LMBR1: variants seen among roughly 807,000 people sequenced by gnomAD.
LMBR1 encodes limb region 1 protein homolog.
LMBR1 carries 52 observed loss-of-function variants against 73.9 expected under a neutral mutation model. The ratio of observed to expected loss-of-function variants is 0.70; its 90% confidence interval spans 0.56 to 0.89. LMBR1 has a LOEUF of 0.89. Ranked by LOEUF, LMBR1 falls within the 40% of genes least tolerant of loss-of-function variation. The pLI, the probability that LMBR1 is intolerant of heterozygous loss-of-function variation, is 0.00. For synonymous variants in LMBR1, 215 were observed against 209.4 expected, an observed-to-expected ratio of 1.03 and a Z score of -0.23; for missense variants, 539 against 579.8, an observed-to-expected ratio of 0.93 and a Z score of 0.72.
At chr7:156,765,333 T>C (rs904174527) in intron 5 of LMBR1, among the ~76,000 whole-genome samples, 1 of 152,216 alleles carries the variant, frequency 6.6e-6, no homozygotes, top group Non-Finnish European at 1.5e-5. Context: ...TCATGAGATC[T>C]GATGGTTTTA....
At chr7:156,875,836 C>T (rs1341695554) in intron 1 of LMBR1, among the ~76,000 whole-genome samples, 1 of 151,726 alleles carries the variant, frequency 6.6e-6, no homozygotes, top group Non-Finnish European at 1.5e-5. Context: ...GAAACAAATC[C>T]TGGAAACACA....
intron 15 of LMBR1, among the ~76,000 whole-genome samples, chr7:156,697,894 T>G (rs1808675060): frequency 6.6e-6 from 1 of 152,180 alleles, no homozygotes; most frequent in South Asian, 2.1e-4. Flanking sequence ...CATAAAAAAT[T>G]ATAAAAGTAT....
chr7:156,719,616 A>G (rs1814059857), intron 15 of LMBR1, among the ~76,000 whole-genome samples: 1 of 152,076 alleles, frequency 6.6e-6, no homozygotes, highest in Non-Finnish European at 1.5e-5. Context: ...TAAAGTTCAT[A>G]TGGAACCAAA....
At chr7:156,785,533 T>G (rs1030067460) in intron 5 of LMBR1, among the ~76,000 whole-genome samples, 2 of 152,078 alleles carry the variant, frequency 1.3e-5, no homozygotes, top group Non-Finnish European at 2.9e-5. Context: ...CTTGCAACCT[T>G]GAGAAGGAGT....
At chr7:156,887,052 A>T (rs910709463) in intron 1 of LMBR1, among the ~76,000 whole-genome samples, 5 of 152,218 alleles carry the variant, frequency 3.3e-5, no homozygotes, top group African/African-American at 1.2e-4. Flanking sequence ...AAAGAAAGGA[A>T]ATCAATCATT....
At chr7:156,714,710 A>T (rs1205495214) in intron 15 of LMBR1, among the ~76,000 whole-genome samples, 2 of 152,160 alleles carry the variant, frequency 1.3e-5, no homozygotes, top group African/African-American at 4.8e-5. Context: ...AATGGAAAGA[A>T]GGGACAAAGG....
intron 1 of LMBR1, among the ~76,000 whole-genome samples, chr7:156,889,041 A>G (rs962102477): frequency 5.3e-5 from 8 of 151,358 alleles, no homozygotes; most frequent in Non-Finnish European, 1.0e-4. Flanking sequence ...GCAACAGAGA[A>G]AGACTCTGTC....
At chr7:156,785,625 C>T (rs963972261) in intron 5 of LMBR1, among the ~76,000 whole-genome samples, 19 of 152,128 alleles carry the variant, frequency 1.2e-4, no homozygotes, top group Non-Finnish European at 1.6e-4. Context: ...CAAAGCTTTG[C>T]CCTGTTTGCT....
intron 5 of LMBR1, among the ~76,000 whole-genome samples, chr7:156,776,953 G>C (rs1249289620): frequency 1.4e-5 from 2 of 147,784 alleles, no homozygotes; most frequent in Non-Finnish European, 3.0e-5. Context: ...TTGGTTTTGA[G>C]ATGGAATCTC....
At chr7:156,735,238 C>T (rs1817632304) in intron 9 of LMBR1, among the ~76,000 whole-genome samples, 1 of 152,176 alleles carries the variant, frequency 6.6e-6, no homozygotes, top group Non-Finnish European at 1.5e-5. Flanking sequence ...ATTTACATTT[C>T]TATCAATAGC....
At chr7:156,745,201 C>T (rs1489730778) in intron 9 of LMBR1, among the ~76,000 whole-genome samples, 1 of 152,008 alleles carries the variant, frequency 6.6e-6, no homozygotes. Flanking sequence ...TTCAAGTTCT[C>T]AGCATCAGTC....
At chr7:156,865,127 A>G (rs772207232) in intron 1 of LMBR1, among the ~76,000 whole-genome samples, 2 of 151,960 alleles carry the variant, frequency 1.3e-5, no homozygotes, top group African/African-American at 2.4e-5. Context: ...GGCAACATAG[A>G]GAGACGCCAG....
chr7:156,891,505 T>C (rs1802979906), intron 1 of LMBR1, among the ~76,000 whole-genome samples: 1 of 151,944 alleles, frequency 6.6e-6, no homozygotes, highest in African/African-American at 2.4e-5. Flanking sequence ...AAGCAAAAAC[T>C]AATCTATGAT....
intron 1 of LMBR1, among the ~76,000 whole-genome samples, chr7:156,886,761 C>T (rs1478293743): frequency 6.6e-6 from 1 of 152,222 alleles, no homozygotes; most frequent in Non-Finnish European, 1.5e-5. Flanking sequence ...TAAGGGGATG[C>T]TTTACTTAAC....
intron 9 of LMBR1, among the ~76,000 whole-genome samples, chr7:156,736,110 G>C (rs528287778): frequency 2.0e-5 from 3 of 152,190 alleles, no homozygotes; most frequent in Admixed American, 2.0e-4. Context: ...TAAAAGTCTA[G>C]GAAGCAGACG....
chr7:156,752,847 C>T (rs946822883), intron 9 of LMBR1, among the ~76,000 whole-genome samples: 39 of 151,962 alleles, frequency 2.6e-4, no homozygotes, highest in Middle Eastern at 6.8e-3. Flanking sequence ...AGAATGAAGG[C>T]TCGGGTTTCA....
intron 1 of LMBR1, among the ~76,000 whole-genome samples, chr7:156,886,695 G>A (rs1052623017): frequency 6.6e-5 from 10 of 152,170 alleles, no homozygotes; most frequent in African/African-American, 1.9e-4. Context: ...GCCAGTGCTT[G>A]TTTAGCCGCT....
rs781612611 is a variant in LMBR1, at chr7:156,892,936, C to G, written c.58G>C (p.Glu20Gln). The G allele has an allele frequency of 6.5e-7, 1 of 1,537,950 alleles. No individual in the cohort carries two copies. The highest frequency in any genetic ancestry group is 1.2e-5 in the South Asian group (1 of 83,894). The change falls in exon 1 of 17, where the codon GAG becomes CAG. Residue 20 changes from glutamate (E) to glutamine (Q), a missense_variant. Around this residue, in one of 3 missense-constraint regions of LMBR1, gnomAD observed 454 missense variants for 473.4 expected, o/e 0.96. Coordinates refer to ENST00000353442, the MANE Select transcript of LMBR1 (RefSeq NM_022458.4). ...CCTCGGTCCCCACGCACCGTGGACTCCCGCACTTGGCTGTGGAAGTGCTGC... is the reference window on the plus strand; with the variant it reads ...CCTCGGTCCCCACGCACCGTGGACTGCCGCACTTGGCTGTGGAAGTGCTGC... The part of the protein sequence containing the change: ...REQHFHSQVR[E>Q]STICFLLFAI...
chr7:156,722,952 T>A (rs1814917483), intron 15 of LMBR1, among the ~76,000 whole-genome samples: 1 of 152,114 alleles, frequency 6.6e-6, no homozygotes, highest in African/African-American at 2.4e-5. Flanking sequence ...CAGAAATTAT[T>A]TAATAGACTG....
Sources: allele counts gnomAD v4.1 joint callset (sites outside exome capture counted in the v4.1 genomes callset), GRCh38; gene constraint gnomAD v4.1.1; regional missense constraint gnomAD v4.1.1; transcripts MANE v1.5; gene names NCBI Gene and HGNC (gene_info 2026-07-23, HGNC 2026-07-21).